The following MYRIP variants were observed in gnomAD, a reference collection of about 807,000 sequenced individuals.
MYRIP encodes myosin VIIA and Rab interacting protein, also known as rab effector MyRIP.
A neutral mutation model predicts 98.0 loss-of-function variants in MYRIP; 49 were observed. That is an observed-to-expected ratio of 0.50 (90% CI 0.40 to 0.63). The LOEUF is 0.63. Among genes scored for constraint, MYRIP ranks in the 30% least tolerant of loss-of-function variants. The pLI, the probability that MYRIP is intolerant of heterozygous loss-of-function variation, is 0.00. For synonymous variants in MYRIP, 404 were observed against 409.5 expected (o/e 0.99, Z 0.16); for missense variants, 1,004 against 1,058.2 (o/e 0.95, Z 0.71).
intron 2 of MYRIP, among the ~76,000 whole-genome samples, chr3:40,026,090 C>G (rs192829755): frequency 2.6e-5 from 4 of 152,168 alleles, no homozygotes; most frequent in Admixed American, 2.0e-4. Context: ...TATTTCAGTC[C>G]TTATCTCAGC....
intron 2 of MYRIP, among the ~76,000 whole-genome samples, chr3:39,959,684 A>T (rs910854324): frequency 6.6e-6 from 1 of 152,080 alleles, no homozygotes; most frequent in African/African-American, 2.4e-5. Context: ...TAAAAAAAAA[A>T]AAGCAAACTT....
Position 40,026,882 on chromosome 3 carries a change from C to T in MYRIP, c.111-17168C>T, listed in dbSNP as rs545593664. 3.7e-4 allele frequency among the ~76,000 whole-genome samples: 57 copies of T among 152,288 alleles called. No individual in the cohort carries two copies. In the South Asian group the frequency reaches 0.011, roughly 29 times the overall value. On this transcript the variant is annotated intron_variant, in intron 2 of 16. Transcript: ENST00000302541. ...CTTCTGTCTGGCTTCCCCTCTTCAG[C>T]CTTTTTCCCTGAGCTTAAATGTTTG...
intron 2 of MYRIP, among the ~76,000 whole-genome samples, chr3:39,976,212 AC>A (rs1013898040): frequency 6.6e-6 from 1 of 151,884 alleles, no homozygotes; most frequent in Non-Finnish European, 1.5e-5. Flanking sequence ...AGAAAAAAAA[AC>A]CCCATCAACA....
chr3:39,974,288 C>A (rs1945684321), intron 2 of MYRIP, among the ~76,000 whole-genome samples: 1 of 152,172 alleles, frequency 6.6e-6, no homozygotes, highest in Non-Finnish European at 1.5e-5. Flanking sequence ...TGCAAATAAA[C>A]TAGAAAATCT....
At chr3:39,889,222 A>G (rs1943409529) in intron 1 of MYRIP, among the ~76,000 whole-genome samples, 2 of 152,232 alleles carry the variant, frequency 1.3e-5, no homozygotes, top group African/African-American at 4.8e-5. Context: ...ATAAAGACAC[A>G]TGCACACGTA....
At chr3:40,194,172 A>G (rs1011500533) in intron 10 of MYRIP, among the ~76,000 whole-genome samples, 1 of 151,850 alleles carries the variant, frequency 6.6e-6, no homozygotes, top group African/African-American at 2.4e-5. Flanking sequence ...TTTTTTTCCA[A>G]TTTCTTCCTA....
In MYRIP at chr3:39,962,799, G is replaced by A. The variant is rs142735027; in HGVS notation, c.110+61873G>A. ...GCTGTGACTTAGAATCACTGTGTAG[G>A]AATGTGAAAGAAAATCTGCCAGCCC... On this transcript the variant is annotated intron_variant, in intron 2 of 16. Coordinates refer to ENST00000302541, the MANE Select transcript of MYRIP (RefSeq NM_015460.4). Among the ~76,000 whole-genome samples the A allele has an allele frequency of 9.4e-3, 1,432 of 152,148 alleles. 16 individuals carry two copies. Among genetic ancestry groups the A allele is most frequent in the Admixed American group, 0.027 (407 of 15,246 alleles).
chr3:40,191,472 T>A (rs993312893), intron 10 of MYRIP, among the ~76,000 whole-genome samples: 1 of 152,074 alleles, frequency 6.6e-6, no homozygotes, highest in African/African-American at 2.4e-5. Flanking sequence ...CCAGATAGTG[T>A]CCCCTATGGC....
chr3:39,811,414 G>A (rs1940685538), intron 1 of MYRIP, among the ~76,000 whole-genome samples: 2 of 152,176 alleles, frequency 1.3e-5, no homozygotes, highest in South Asian at 4.1e-4. Flanking sequence ...TGGGTCTACG[G>A]TGGAAATGGA....
chr3:39,858,904 G>A (rs1406166311), intron 1 of MYRIP, among the ~76,000 whole-genome samples: 1 of 152,052 alleles, frequency 6.6e-6, no homozygotes, highest in Non-Finnish European at 1.5e-5. Context: ...TGAGAGGGAA[G>A]TTGTTAGCAA....
intron 3 of MYRIP, among the ~76,000 whole-genome samples, chr3:40,117,006 C>T (rs1949295297): frequency 6.6e-6 from 1 of 152,178 alleles, no homozygotes; most frequent in South Asian, 2.1e-4. Context: ...CCTCCTGTCT[C>T]CGTCTCACAG....
chr3:39,966,907 G>T (rs1395031372), intron 2 of MYRIP, among the ~76,000 whole-genome samples: 1 of 152,144 alleles, frequency 6.6e-6, no homozygotes, highest in East Asian at 1.9e-4. Flanking sequence ...GCCACCTGAG[G>T]GCACAATGGA....
At chr3:40,181,409 T>C (rs925320959) in intron 8 of MYRIP, among the ~76,000 whole-genome samples, 2 of 152,322 alleles carry the variant, frequency 1.3e-5, no homozygotes, top group African/African-American at 4.8e-5. Context: ...GGTGCTGACA[T>C]CAACCAGCAG....
At chr3:39,867,048 A>G (rs1392729667) in intron 1 of MYRIP, among the ~76,000 whole-genome samples, 1 of 152,180 alleles carries the variant, frequency 6.6e-6, no homozygotes, top group Non-Finnish European at 1.5e-5. Flanking sequence ...ACTAATACCT[A>G]ATAGTGAAAC....
chr3:39,911,591 A>G (rs183592247), intron 2 of MYRIP, among the ~76,000 whole-genome samples: 1 of 152,362 alleles, frequency 6.6e-6, no homozygotes, highest in East Asian at 1.9e-4. Flanking sequence ...ACATGTGCAT[A>G]GAATTCAGGA....
At chr3:40,163,963 A>C (rs1950451323) in intron 5 of MYRIP, among the ~76,000 whole-genome samples, 2 of 151,984 alleles carry the variant, frequency 1.3e-5, no homozygotes, top group African/African-American at 4.8e-5. Flanking sequence ...CCTCAAGTGC[A>C]CCTCCATTTG....
At position 40,167,230 on chromosome 3, in the gene MYRIP, CCTG is replaced by C. The variant is rs1559430870; in HGVS notation, c.722_724del (p.Leu241del). ...TAACTGAGGAACTGGCCACGACAATCCTGCAGAAGGTAGGTGGGTCCTGGCAGT... is the reference window on the plus strand; with the variant it reads ...TAACTGAGGAACTGGCCACGACAATCCAGAAGGTAGGTGGGTCCTGGCAGT... On this transcript the variant is annotated inframe_deletion, in exon 7 of 17. Coordinates refer to ENST00000302541, the MANE Select transcript of MYRIP (RefSeq NM_015460.4). The C allele has an allele frequency of 6.2e-7, 1 of 1,614,166 alleles. No individual in the cohort carries two copies. Among genetic ancestry groups the C allele is most frequent in the Non-Finnish European group, 8.5e-7 (1 of 1,180,026 alleles).
At chr3:40,241,080 A>T (rs9843453) in intron 12 of MYRIP, among the ~76,000 whole-genome samples, 5,929 of 152,236 alleles carry the variant, frequency 0.039, 278 homozygotes, top group African/African-American at 0.11. Flanking sequence ...GTCAACAGAG[A>T]AGGACTAGCA....
chr3:39,882,350 T>C (rs1196898077), intron 1 of MYRIP, among the ~76,000 whole-genome samples: 1 of 152,196 alleles, frequency 6.6e-6, no homozygotes, highest in Admixed American at 6.5e-5. Context: ...ATTAGGCTTG[T>C]ACGTTGGGCA....
Sources: gnomAD v4.1 joint callset for allele counts (sites outside exome capture counted in the v4.1 genomes callset) on GRCh38, gnomAD v4.1.1 for gene constraint, MANE v1.5 for transcripts, NCBI Gene and HGNC (gene_info 2026-07-23, HGNC 2026-07-21) for gene names.